The following CRYBA4 variants were observed in gnomAD, a reference collection of about 807,000 sequenced individuals.
CRYBA4 encodes crystallin beta A4, also known as beta-crystallin A4.
CRYBA4 carries 30 observed loss-of-function variants against 31.7 expected under a neutral mutation model. The observed-to-expected ratio is 0.95, with a 90% CI of 0.71 to 1.28. The LOEUF (loss-of-function observed/expected upper bound fraction) is 1.28. Ranked by LOEUF, CRYBA4 falls within the 50% of genes most tolerant of loss-of-function variation. The pLI is 0.00. For missense variants in CRYBA4, 225 were observed against 260.7 expected (o/e 0.86, Z 0.94); for synonymous variants, 102 against 102.3 (o/e 1.00, Z 0.02).
intron 3 of CRYBA4, 22 bp downstream of exon 3, chr22:26,623,374 G>A (rs757383016): frequency 6.3e-7 from 1 of 1,589,422 alleles, no homozygotes; most frequent in Non-Finnish European, 8.6e-7. Context: ...GGGACACTGA[G>A]TTGGGGTAGA....
At chr22:26,620,176 C>T (rs1054835928), upstream of CRYBA4, among the ~76,000 whole-genome samples, 10 of 152,146 alleles carry the variant, frequency 6.6e-5, no homozygotes, top group South Asian at 2.1e-4. Flanking sequence ...CTTCTTTACT[C>T]ATGAACCCAG....
At chr22:26,590,781 A>G in the CRYBA4 span, among the ~76,000 whole-genome samples, 1 of 152,146 alleles carries the variant, frequency 6.6e-6, no homozygotes, top group Non-Finnish European at 1.5e-5. Flanking sequence ...CCCCCAAAAA[A>G]AACCCTGCAA....
chr22:26,598,032 G>A, the CRYBA4 span, among the ~76,000 whole-genome samples: 4 of 152,022 alleles, frequency 2.6e-5, no homozygotes, highest in African/African-American at 9.7e-5. Context: ...ACAGGCACCC[G>A]CCACCACAGC....
chr22:26,628,510 T>C, intron 5 of CRYBA4, 80 bp downstream of exon 5: 2 of 1,541,700 alleles, frequency 1.3e-6, no homozygotes, highest in Non-Finnish European at 1.8e-6. Flanking sequence ...AACTGTGTGC[T>C]GGGGACTTTT....
At chr22:26,599,727 ACCCAGACCC>A in the CRYBA4 span, 1 of 1,447,266 alleles carries the variant, frequency 6.9e-7, no homozygotes, top group Non-Finnish European at 9.7e-7. Flanking sequence ...GTTGCCTGGC[ACCCAGACCC>A]CTGCCAGACC....
chr22:26,608,774 C>T, the CRYBA4 span, among the ~76,000 whole-genome samples: 2 of 151,878 alleles, frequency 1.3e-5, no homozygotes, highest in Non-Finnish European at 2.9e-5. Flanking sequence ...AAATACTGGC[C>T]TGGTATTCGG....
upstream of CRYBA4, among the ~76,000 whole-genome samples, chr22:26,617,480 C>G (rs1197740539): frequency 2.0e-5 from 3 of 152,156 alleles, no homozygotes; most frequent in Admixed American, 6.5e-5. Context: ...CCCTGTTCAC[C>G]AGGGGTGAGG....
the CRYBA4 span, among the ~76,000 whole-genome samples, chr22:26,608,455 A>C: frequency 6.6e-6 from 1 of 152,178 alleles, no homozygotes; most frequent in African/African-American, 2.4e-5. Flanking sequence ...ACACTTACTA[A>C]TCTCTCCTTT....
At chr22:26,600,229 G>A in the CRYBA4 span, among the ~76,000 whole-genome samples, 12 of 152,150 alleles carry the variant, frequency 7.9e-5, no homozygotes, top group African/African-American at 2.4e-4. Context: ...GTGAAACCCC[G>A]TCTCTACTAA....
At chr22:26,623,440 C>A in intron 3 of CRYBA4, 88 bp downstream of exon 3, 2 of 1,020,378 alleles carry the variant, frequency 2.0e-6, no homozygotes, top group Admixed American at 1.7e-5. Context: ...TATTCTAGGT[C>A]CCCTCTCCCT....
At chr22:26,618,381 C>T (rs182993491), upstream of CRYBA4, among the ~76,000 whole-genome samples, 781 of 152,338 alleles carry the variant, frequency 5.1e-3, 16 homozygotes, top group Admixed American at 0.038. Context: ...TCAGCCACTG[C>T]GCGCTGTGTG....
the CRYBA4 span, among the ~76,000 whole-genome samples, chr22:26,602,206 G>A: frequency 2.6e-3 from 389 of 152,230 alleles, no homozygotes; most frequent in Middle Eastern, 0.014. Flanking sequence ...CAACTCCCAC[G>A]TCATAGGGTC....
the CRYBA4 span, among the ~76,000 whole-genome samples, chr22:26,610,035 G>A: frequency 5.0e-5 from 5 of 99,502 alleles, no homozygotes; most frequent in East Asian, 1.2e-3. Flanking sequence ...AGACACTGAT[G>A]TGGTCTTGCC....
At chr22:26,590,667 A>G in the CRYBA4 span, among the ~76,000 whole-genome samples, 1 of 152,074 alleles carries the variant, frequency 6.6e-6, no homozygotes, top group Admixed American at 6.6e-5. Flanking sequence ...ATAACTGGGG[A>G]AGTGGAGAGG....
the CRYBA4 span, chr22:26,599,159 G>A: frequency 2.9e-6 from 1 of 350,440 alleles, no homozygotes; most frequent in African/African-American, 2.1e-5. Context: ...TCCTTGGACA[G>A]CATCTCACAG....
chr22:26,628,485 T>C, intron 5 of CRYBA4, 55 bp downstream of exon 5: 1 of 1,601,096 alleles, frequency 6.2e-7, no homozygotes, highest in East Asian at 2.2e-5. Context: ...GAGGGGTAGG[T>C]GTACCTCCTG....
chr22:26,618,674 C>T (rs556018678), upstream of CRYBA4, among the ~76,000 whole-genome samples: 2 of 152,344 alleles, frequency 1.3e-5, no homozygotes, highest in East Asian at 3.9e-4. Flanking sequence ...GAGGTCAGAG[C>T]CAGCCCAGGC....
chr22:26,620,730 T>C, upstream of CRYBA4, among the ~76,000 whole-genome samples: 1 of 151,730 alleles, frequency 6.6e-6, no homozygotes, highest in East Asian at 1.9e-4. Context: ...TCCCGGCTAA[T>C]TTTTGTGTTT....
the CRYBA4 span, among the ~76,000 whole-genome samples, chr22:26,597,278 G>A: frequency 1.3e-5 from 2 of 152,192 alleles, no homozygotes; most frequent in South Asian, 2.1e-4. Flanking sequence ...AAGCTTCACC[G>A]GGGCCCACCA....
Sources: allele counts gnomAD v4.1 joint callset (sites outside exome capture counted in the v4.1 genomes callset), GRCh38; gene constraint gnomAD v4.1.1; transcripts MANE v1.5; gene names NCBI Gene and HGNC (gene_info 2026-07-23, HGNC 2026-07-21).